Variants in KIF6 observed in about 807,000 individuals in gnomAD.
The protein encoded by KIF6 is kinesin family member 6, also known as kinesin-like protein KIF6.
KIF6 carries 106 observed loss-of-function variants against 112.7 expected under a neutral mutation model. That is an observed-to-expected ratio of 0.94 (90% CI 0.80 to 1.11). The LOEUF (loss-of-function observed/expected upper bound fraction) is 1.11, where lower values mean the gene tolerates loss of function less well. Ranked by LOEUF, KIF6 falls within the 50% of genes least tolerant of loss-of-function variation. KIF6 has a pLI of 0.00. For missense variants in KIF6, 929 were observed against 964.0 expected, an observed-to-expected ratio of 0.96 and a Z score of 0.48; for synonymous variants, 339 against 339.9, an observed-to-expected ratio of 1.00 and a Z score of 0.03.
chr6:39,399,266 C>T (rs1768507292), intron 15 of KIF6, among the ~76,000 whole-genome samples: 1 of 152,190 alleles, frequency 6.6e-6, no homozygotes, highest in African/African-American at 2.4e-5. Context: ...TGCTGTAGCT[C>T]TTTGGGAACA....
At chr6:39,346,393 A>G in intron 20 of KIF6, 83 bp downstream of exon 20, 1 of 715,154 alleles carries the variant, frequency 1.4e-6, no homozygotes, top group Non-Finnish European at 2.6e-6. Context: ...TAAAAGAGAC[A>G]TTGGAGAGCT....
chr6:39,674,158 A>G (rs1786998145), intron 3 of KIF6, among the ~76,000 whole-genome samples: 1 of 152,204 alleles, frequency 6.6e-6, no homozygotes, highest in South Asian at 2.1e-4. Context: ...CTTTACTGAC[A>G]TATATTTTAG....
At chr6:39,701,797 G>T (rs975042080) in intron 3 of KIF6, among the ~76,000 whole-genome samples, 4 of 152,150 alleles carry the variant, frequency 2.6e-5, no homozygotes, top group African/African-American at 9.7e-5. Context: ...TATTGGTTTT[G>T]CATTTCACAC....
intron 13 of KIF6, among the ~76,000 whole-genome samples, chr6:39,463,060 A>C (rs1213368978): frequency 6.6e-6 from 1 of 152,184 alleles, no homozygotes; most frequent in Non-Finnish European, 1.5e-5. Flanking sequence ...GCTAAGATGA[A>C]ATTTAACTAC....
chr6:39,605,667 C>T (rs1437619142), intron 6 of KIF6, among the ~76,000 whole-genome samples: 1 of 152,060 alleles, frequency 6.6e-6, no homozygotes, highest in East Asian at 1.9e-4. Context: ...ACATCAAGAT[C>T]AGTAACAGAC....
intron 2 of KIF6, among the ~76,000 whole-genome samples, chr6:39,715,363 G>A (rs1467830004): frequency 6.6e-6 from 1 of 152,118 alleles, no homozygotes; most frequent in East Asian, 1.9e-4. Flanking sequence ...ACAGAGAGAA[G>A]GTTTAATCAG....
intron 3 of KIF6, among the ~76,000 whole-genome samples, chr6:39,710,413 G>A (rs1267891655): frequency 6.6e-6 from 1 of 150,750 alleles, no homozygotes; most frequent in African/African-American, 2.4e-5. Context: ...ATCTGCACCA[G>A]GAAAGCGAGG....
At chr6:39,600,134 CTA>C (rs1310914143) in intron 6 of KIF6, among the ~76,000 whole-genome samples, 2 of 152,144 alleles carry the variant, frequency 1.3e-5, no homozygotes, top group Non-Finnish European at 2.9e-5. Flanking sequence ...AGGCATGGCC[CTA>C]TGTTTGTCCT....
rs61215070 is a variant in KIF6 at position 39,584,417 on chromosome 6, T to TA, written c.1077+480dup. Among the ~76,000 whole-genome samples the TA allele has an allele frequency of 6.8e-3, 312 of 46,024 alleles. 55 individuals are homozygous for TA. Among genetic ancestry groups the TA allele is most frequent in the Non-Finnish European group, 0.011 (185 of 16,092 alleles). 30.2% of individuals were successfully genotyped at this position (46,024 alleles called of 152,430 possible). ...TCCAGCCTGAGCAAGACTCTGTCTCTAAAAAAAAAAAAAAAAAAAAAAAAA... is the reference window on the plus strand; with the variant it reads ...TCCAGCCTGAGCAAGACTCTGTCTCTAAAAAAAAAAAAAAAAAAAAAAAAAA... On this transcript the variant is annotated intron_variant, in intron 9 of 22. Coordinates refer to ENST00000287152, the MANE Select transcript of KIF6 (RefSeq NM_145027.6).
chr6:39,445,714 G>A (rs17352632), intron 13 of KIF6, among the ~76,000 whole-genome samples: 3,383 of 152,324 alleles, frequency 0.022, 67 homozygotes, highest in Non-Finnish European at 0.029. Context: ...TGTTCCTCCT[G>A]AGGCAGGTTT....
At chr6:39,721,260 G>A (rs568472231) in intron 1 of KIF6, among the ~76,000 whole-genome samples, 3 of 152,306 alleles carry the variant, frequency 2.0e-5, no homozygotes, top group African/African-American at 7.2e-5. Flanking sequence ...AGCTCACCAA[G>A]AATGCTCTAA....
At chr6:39,466,275 G>A (rs772444631) in intron 13 of KIF6, among the ~76,000 whole-genome samples, 2 of 151,928 alleles carry the variant, frequency 1.3e-5, no homozygotes, top group Admixed American at 6.6e-5. Flanking sequence ...TTCAAACACC[G>A]GCTGCCAGGA....
rs541491978 is a variant in KIF6 at position 39,419,613 on chromosome 6, C to T, written c.1810+335G>A. Among the ~76,000 whole-genome samples, 9 of 152,242 alleles carry T rather than the reference C, an allele frequency of 5.9e-5. No individual in the cohort carries two copies. The South Asian group carries it at 1.4e-3, about 25-fold the overall frequency. On this transcript the variant is annotated intron_variant, in intron 15 of 22. Coordinates refer to ENST00000287152, the MANE Select transcript of KIF6 (RefSeq NM_145027.6). ...AGAGTGTTTCCCCATACTTGAAATA[C>T]GAAATGACGTCTCACTGTAACCGTG...
chr6:39,628,813 T>C (rs1393164891), intron 5 of KIF6, among the ~76,000 whole-genome samples: 1 of 152,096 alleles, frequency 6.6e-6, no homozygotes, highest in East Asian at 1.9e-4. Flanking sequence ...AGAAACCCCC[T>C]GTGCTTCACC....
At chr6:39,367,042 G>C (rs550910135) in intron 16 of KIF6, among the ~76,000 whole-genome samples, 100 of 152,264 alleles carry the variant, frequency 6.6e-4, no homozygotes, top group African/African-American at 2.4e-3. Flanking sequence ...TGAGGGCACA[G>C]CACACTCCAC....
intron 14 of KIF6, among the ~76,000 whole-genome samples, chr6:39,421,018 T>C (rs1252688584): frequency 6.6e-6 from 1 of 152,230 alleles, no homozygotes; most frequent in East Asian, 1.9e-4. Flanking sequence ...TCAGTCCCTA[T>C]ACATAGTGGG....
At chr6:39,677,326 A>C (rs2113759040) in intron 3 of KIF6, among the ~76,000 whole-genome samples, 1 of 152,130 alleles carries the variant, frequency 6.6e-6, no homozygotes, top group East Asian at 1.9e-4. Flanking sequence ...CAGAATTACA[A>C]GTAGAAATAT....
intron 13 of KIF6, among the ~76,000 whole-genome samples, chr6:39,526,449 A>G (rs1777733785): frequency 6.6e-6 from 1 of 152,136 alleles, no homozygotes; most frequent in Admixed American, 6.5e-5. Flanking sequence ...TATCTCTCCC[A>G]CCAGATTAAA....
intron 3 of KIF6, among the ~76,000 whole-genome samples, chr6:39,706,126 C>G (rs1462795726): frequency 6.6e-6 from 1 of 152,198 alleles, no homozygotes; most frequent in Non-Finnish European, 1.5e-5. Context: ...AATATTCTGT[C>G]AAGGAATCCT....
Sources: gnomAD v4.1 joint callset for allele counts (sites outside exome capture counted in the v4.1 genomes callset) on GRCh38, gnomAD v4.1.1 for gene constraint, MANE v1.5 for transcripts, NCBI Gene and HGNC (gene_info 2026-07-23, HGNC 2026-07-21) for gene names.